Variants in GRIA4 observed in about 807,000 individuals in gnomAD.
GRIA4 encodes glutamate receptor 4.
GRIA4 carries 34 observed loss-of-function variants against 104.0 expected under a neutral mutation model. The ratio of observed to expected loss-of-function variants is 0.33; its 90% CI spans 0.25 to 0.44. The LOEUF (loss-of-function observed/expected upper bound fraction) is 0.44. Among genes scored for constraint, GRIA4 ranks in the 20% least tolerant of loss-of-function variants. The pLI, the probability that GRIA4 is intolerant of heterozygous loss-of-function variation, is 1.00. For missense variants in GRIA4, 750 were observed against 1,096.5 expected (o/e 0.68, Z 4.46); for synonymous variants, 386 against 381.9 (o/e 1.01, Z -0.13).
intron 14 of GRIA4, among the ~76,000 whole-genome samples, chr11:105,955,991 T>A (rs1948578288): frequency 6.6e-6 from 1 of 152,200 alleles, no homozygotes; most frequent in South Asian, 2.1e-4. Flanking sequence ...CTTGTAAATT[T>A]GTTTAAGTTT....
intron 14 of GRIA4, among the ~76,000 whole-genome samples, chr11:105,955,856 C>T (rs991904156): frequency 1.5e-4 from 23 of 152,074 alleles, no homozygotes; most frequent in Admixed American, 1.4e-3. Flanking sequence ...TTTTGATTTG[C>T]GTTTCTCTAA....
chr11:105,898,374 C>T lies in GRIA4; in HGVS notation c.832C>T (p.Arg278Cys), dbSNP rs151104343. Residue 278 changes from arginine (R) to cysteine (C), a missense_variant, in exon 7 of 17, where the codon CGC becomes TGC. Arg to Cys is a radical substitution (Grantham distance 180). Transcript: ENST00000282499. ...ACCTATGGTAATCAAACTAATGGAT[C>T]GCTGGAAGAAACTAGATCAGAGAGA... The part of the protein sequence containing the change: ...NTPMVIKLMD[R>C]WKKLDQREYP... 1.0e-5 allele frequency: 16 copies of T among 1,594,058 alleles called. No individual in the cohort carries two copies. The highest frequency in any genetic ancestry group is 8.4e-5 in the Admixed American group (5 of 59,858).
chr11:105,681,320 GA>G (rs1952703697), intron 3 of GRIA4, among the ~76,000 whole-genome samples: 1 of 152,180 alleles, frequency 6.6e-6, no homozygotes. Flanking sequence ...AGAGATGGGG[GA>G]TGAAACAATT....
At position 105,610,961 on chromosome 11, in the gene GRIA4, A is replaced by G. The variant is rs200242281; in HGVS notation, c.-37A>G. On this transcript the variant is annotated 5_prime_UTR_variant, in exon 2 of 17. Coordinates refer to ENST00000282499, the MANE Select transcript of GRIA4 (RefSeq NM_000829.4). ...AGCCTTTAGGAAGAGTGCGAGAGAA[A>G]GAGAGAGAGCGCGCGCCAGGGAGAG... 1.5e-6 allele frequency: 2 copies of G among 1,353,454 alleles called. No individual in the cohort carries two copies. Among genetic ancestry groups the G allele is most frequent in the Admixed American group, 1.7e-5 (1 of 58,962 alleles). 83.8% of individuals were successfully genotyped at this position (1,353,454 alleles called of 1,614,324 possible). A position where few individuals can be genotyped will look rare whatever the true frequency, so the allele number is the denominator to read the frequency against.
At chr11:105,653,862 G>A (rs1305547575) in intron 3 of GRIA4, among the ~76,000 whole-genome samples, 1 of 151,868 alleles carries the variant, frequency 6.6e-6, no homozygotes, top group South Asian at 2.1e-4. Flanking sequence ...GGTGGCATGA[G>A]AGAAGCATTT....
chr11:105,787,278 A>T (rs539816603), intron 4 of GRIA4, among the ~76,000 whole-genome samples: 13 of 152,226 alleles, frequency 8.5e-5, no homozygotes, highest in African/African-American at 3.1e-4. Context: ...AGCAATAGTG[A>T]TTATTTTTCC....
chr11:105,707,122 T>C (rs539735502), intron 3 of GRIA4: 1 of 152,954 alleles, frequency 6.5e-6, no homozygotes, highest in Admixed American at 6.5e-5. Context: ...AAAGTTTGTC[T>C]TCAGATTATA....
At chr11:105,832,995 T>C (rs1450817437) in intron 4 of GRIA4, among the ~76,000 whole-genome samples, 1 of 152,038 alleles carries the variant, frequency 6.6e-6, no homozygotes, top group Non-Finnish European at 1.5e-5. Flanking sequence ...AATCCCAAAT[T>C]TATGTGACTG....
chr11:105,659,832 G>A (rs1801768624), intron 3 of GRIA4, among the ~76,000 whole-genome samples: 1 of 151,652 alleles, frequency 6.6e-6, no homozygotes, highest in Non-Finnish European at 1.5e-5. Context: ...TTACCACAGA[G>A]GAAAGAGAGA....
chr11:105,730,554 G>C (rs1938521638), intron 3 of GRIA4, among the ~76,000 whole-genome samples: 1 of 152,074 alleles, frequency 6.6e-6, no homozygotes, highest in Admixed American at 6.5e-5. Context: ...AACCGAAAAA[G>C]AGCCTGTATA....
chr11:105,641,035 G>A (rs1951344413), intron 3 of GRIA4, among the ~76,000 whole-genome samples: 2 of 151,944 alleles, frequency 1.3e-5, no homozygotes, highest in African/African-American at 2.4e-5. Context: ...TACAATCATG[G>A]AACATTGCTC....
intron 12 of GRIA4, among the ~76,000 whole-genome samples, chr11:105,926,451 C>T (rs898299341): frequency 6.6e-6 from 1 of 152,032 alleles, no homozygotes; most frequent in South Asian, 2.1e-4. Flanking sequence ...ACTAAGTATT[C>T]CCCTTGAGCA....
chr11:105,783,744 T>TTGTGTGTG (rs56222983), intron 4 of GRIA4, among the ~76,000 whole-genome samples: 2,382 of 145,408 alleles, frequency 0.016, 24 homozygotes, highest in Admixed American at 0.026. Flanking sequence ...TGGATGTTAT[T>TTGTGTGTG]TGTGTGTGTG....
intron 14 of GRIA4, among the ~76,000 whole-genome samples, chr11:105,943,880 C>CCA (rs1274804588): frequency 6.8e-6 from 1 of 148,080 alleles, no homozygotes; most frequent in Non-Finnish European, 1.5e-5. Context: ...CTCTCTCTCT[C>CCA]TATATATATA....
At chr11:105,887,194 T>A (rs1368929053) in intron 5 of GRIA4, among the ~76,000 whole-genome samples, 1 of 152,056 alleles carries the variant, frequency 6.6e-6, no homozygotes, top group African/African-American at 2.4e-5. Flanking sequence ...ATGAAAATCA[T>A]TTTCAGTTTC....
intron 4 of GRIA4, among the ~76,000 whole-genome samples, chr11:105,838,902 C>G (rs1052434633): frequency 6.6e-6 from 1 of 152,150 alleles, no homozygotes; most frequent in Non-Finnish European, 1.5e-5. Flanking sequence ...ACCCTGAAAC[C>G]TGACCACTCC....
chr11:105,789,282 GA>G (rs1421675234), intron 4 of GRIA4, among the ~76,000 whole-genome samples: 1 of 152,066 alleles, frequency 6.6e-6, no homozygotes, highest in Non-Finnish European at 1.5e-5. Flanking sequence ...CAAGCCATTG[GA>G]ATTGCAATTA....
At chr11:105,612,211 C>A in intron 2 of GRIA4, 65 bp from the exon 3 acceptor site, 1 of 1,460,138 alleles carries the variant, frequency 6.8e-7, no homozygotes, top group Non-Finnish European at 9.6e-7. Flanking sequence ...TTTGACTGTG[C>A]TTGGGGTGGG....
chr11:105,844,051 G>T (rs1223800107), intron 4 of GRIA4, among the ~76,000 whole-genome samples: 1 of 152,148 alleles, frequency 6.6e-6, no homozygotes, highest in Non-Finnish European at 1.5e-5. Context: ...GTCCTGGTTT[G>T]TACCTGATAT....
Sources: allele counts gnomAD v4.1 joint callset (sites outside exome capture counted in the v4.1 genomes callset), GRCh38; gene constraint gnomAD v4.1.1; transcripts MANE v1.5; gene names NCBI Gene and HGNC (gene_info 2026-07-23, HGNC 2026-07-21).